The following SYNJ2BP variants were observed in gnomAD, a reference collection of about 807,000 sequenced individuals.
SYNJ2BP encodes synaptojanin 2 binding protein.
Under a neutral mutation model 16.9 loss-of-function variants are expected in SYNJ2BP, and 10 were observed. The ratio of observed to expected loss-of-function variants is 0.59; its 90% CI spans 0.36 to 1.00. The LOEUF is 1.00. SYNJ2BP is among the 50% of genes least tolerant of loss of function. The probability of loss-of-function intolerance (pLI) is 0.01; values close to 1 mark genes in which losing one functional copy is unlikely to be tolerated. For missense variants in SYNJ2BP, 162 were observed against 186.7 expected (o/e 0.87, Z 0.77); for synonymous variants, 54 against 68.4 (o/e 0.79, Z 1.04).
chr14:70,407,352 C>T (rs1888368194), intron 1 of SYNJ2BP, among the ~76,000 whole-genome samples: 1 of 151,790 alleles, frequency 6.6e-6, no homozygotes, highest in South Asian at 2.1e-4. Flanking sequence ...GGCGTGATCT[C>T]CTGGGAGGCG....
intron 2 of SYNJ2BP, among the ~76,000 whole-genome samples, chr14:70,376,721 T>G (rs1375748844): frequency 6.6e-6 from 1 of 152,268 alleles, no homozygotes; most frequent in Non-Finnish European, 1.5e-5. Context: ...ATAAAGAAAC[T>G]TGAAGCTCAG....
At chr14:70,379,479 A>T (rs945479654) in intron 2 of SYNJ2BP, among the ~76,000 whole-genome samples, 1 of 152,218 alleles carries the variant, frequency 6.6e-6, no homozygotes, top group Admixed American at 6.5e-5. Flanking sequence ...CTCAAACTGT[A>T]TCTACCACCT....
At chr14:70,396,307 C>T (rs1594953187) in intron 1 of SYNJ2BP, among the ~76,000 whole-genome samples, 1 of 152,020 alleles carries the variant, frequency 6.6e-6, no homozygotes, top group East Asian at 1.9e-4. Context: ...TTAGTAGAGA[C>T]AGGGTTTCAC....
intron 1 of SYNJ2BP, among the ~76,000 whole-genome samples, chr14:70,413,098 A>G (rs1325832873): frequency 6.6e-6 from 1 of 152,236 alleles, no homozygotes; most frequent in Non-Finnish European, 1.5e-5. Context: ...TGCCTTTGTA[A>G]TTCTTCAGCT....
At chr14:70,416,318 T>C (rs1003080254) in intron 1 of SYNJ2BP, among the ~76,000 whole-genome samples, 1 of 16,184 alleles carries the variant, frequency 6.2e-5, no homozygotes, top group Non-Finnish European at 1.0e-4. Flanking sequence ...TTTTATTTTC[T>C]TTTTTTTTTT....
chr14:70,400,908 G>C (rs1350218967), intron 1 of SYNJ2BP, among the ~76,000 whole-genome samples: 12 of 152,112 alleles, frequency 7.9e-5, no homozygotes, highest in African/African-American at 1.2e-4. Flanking sequence ...TTACCAAACT[G>C]TAAAGCAGGC....
At chr14:70,381,556 AC>A (rs1359661454) in intron 2 of SYNJ2BP, among the ~76,000 whole-genome samples, 1 of 152,122 alleles carries the variant, frequency 6.6e-6, no homozygotes, top group African/African-American at 2.4e-5. Context: ...TCAGTGACTA[AC>A]CACCAAGTTC....
intron 2 of SYNJ2BP, among the ~76,000 whole-genome samples, chr14:70,377,495 G>A (rs10130596): frequency 0.87 from 132,531 of 152,182 alleles, 57,770 homozygotes; most frequent in East Asian, 0.93. Context: ...TTCCACCACC[G>A]TCTCCAACCC....
chr14:70,382,643 C>A (rs1887777414), intron 2 of SYNJ2BP, among the ~76,000 whole-genome samples: 1 of 152,198 alleles, frequency 6.6e-6, no homozygotes, highest in African/African-American at 2.4e-5. Context: ...AATTAACTTG[C>A]TACTTCAGCT....
At chr14:70,395,021 A>T (rs1888060513) in intron 1 of SYNJ2BP, among the ~76,000 whole-genome samples, 1 of 152,192 alleles carries the variant, frequency 6.6e-6, no homozygotes, top group Non-Finnish European at 1.5e-5. Context: ...CTGCTTTAAG[A>T]AAAAAAGTCT....
At position 70,371,568 on chromosome 14, in the gene SYNJ2BP, G is replaced by GCCA. The variant is rs901505588; in HGVS notation, c.*1420_*1422dup. On this transcript the variant is annotated 3_prime_UTR_variant, in exon 4 of 4. Transcript: ENST00000256366. ...TGAGTAGCTGGAATTACAGGAACGCGCCACCATGTCCAGGTAATTTTTGTA... is the reference window on the plus strand; with the variant it reads ...TGAGTAGCTGGAATTACAGGAACGCGCCACCACCATGTCCAGGTAATTTTTGTA... The GCCA allele has an allele frequency of 2.8e-4, 42 of 152,310 alleles. No individual in the cohort carries two copies. The highest frequency in any genetic ancestry group is 9.9e-4 in the African/African-American group (41 of 41,540). The allele number at this position is 152,310 out of a possible 1,614,324, so 9.4% of individuals were successfully genotyped here.
rs138860992 is a variant in SYNJ2BP at position 70,373,004 on chromosome 14, C to T, written c.425G>A (p.Arg142Gln). ...AGAGCAAGTTTTTCAAAGTTGTTGCCGGTATCTCATGAAAGCCCAGGCTGC... is the reference window on the plus strand; with the variant it reads ...AGAGCAAGTTTTTCAAAGTTGTTGCTGGTATCTCATGAAAGCCCAGGCTGC... ...MVAAWAFMRYRQQL is the reference protein window; with the variant it reads ...MVAAWAFMRYQQQL Residue 142 changes from arginine to glutamine, a missense_variant, in exon 4 of 4, where the codon CGG (arginine) becomes CAG (glutamine). Coordinates refer to ENST00000256366, the MANE Select transcript of SYNJ2BP (RefSeq NM_018373.3). 482 of 1,613,986 alleles carry T rather than the reference C, an allele frequency of 3.0e-4. 3 individuals carry two copies. The African/African-American group carries it at 5.5e-3, about 18-fold the overall frequency.
chr14:70,383,601 AT>A (rs1887796953), intron 2 of SYNJ2BP, among the ~76,000 whole-genome samples: 1 of 152,226 alleles, frequency 6.6e-6, no homozygotes, highest in Admixed American at 6.5e-5. Flanking sequence ...CCTTAGCTTA[AT>A]AAAAATGTCA....
In SYNJ2BP at chr14:70,388,534, C is replaced by T. The variant is rs372427788; in HGVS notation, c.137G>A (p.Arg46His). The T allele has an allele frequency of 8.1e-6, 13 of 1,599,188 alleles. No individual in the cohort carries two copies. Among genetic ancestry groups the T allele is most frequent in the Middle Eastern group, 1.7e-4 (1 of 6,016 alleles). ...GGCCGCAGCCCCATTTTCTTTGATG[C>T]GGCTGACGTAGATGCCACTGTCGTT... The part of the protein sequence containing the change: ...VSNDSGIYVS[R>H]IKENGAAALD... Residue 46 changes from arginine (R) to histidine (H), a missense_variant, in exon 2 of 4, where the codon CGC becomes CAC. By Grantham distance (29) the Arg-to-His change is conservative. Transcript: ENST00000256366.
chr14:70,372,980 G>C lies in SYNJ2BP; in HGVS notation c.*11C>G, dbSNP rs1887548674. On this transcript the variant is annotated 3_prime_UTR_variant, in exon 4 of 4. Transcript: ENST00000256366. ...TATCTTCATTGGGAGTATTGAAAGA[G>C]AGCAAGTTTTTCAAAGTTGTTGCCG... is the stretch of plus-strand genomic sequence containing the variant. 1.9e-6 allele frequency: 3 copies of C among 1,613,892 alleles called. No homozygotes were observed. The highest frequency in any genetic ancestry group is 2.2e-5 in the East Asian group (1 of 44,884).
At chr14:70,407,345 G>A (rs1566624729) in intron 1 of SYNJ2BP, among the ~76,000 whole-genome samples, 2 of 151,710 alleles carry the variant, frequency 1.3e-5, no homozygotes, top group Admixed American at 6.6e-5. Flanking sequence ...GGAGAATGGC[G>A]TGATCTCCTG....
intron 2 of SYNJ2BP, among the ~76,000 whole-genome samples, chr14:70,376,908 G>A (rs139658408): frequency 1.1e-3 from 167 of 152,104 alleles, no homozygotes; most frequent in South Asian, 3.9e-3. Context: ...TTTCCTTGTC[G>A]CAATCTTCCT....
At chr14:70,376,293 G>A (rs759276803) in intron 2 of SYNJ2BP, among the ~76,000 whole-genome samples, 12 of 152,050 alleles carry the variant, frequency 7.9e-5, no homozygotes, top group Non-Finnish European at 8.8e-5. Flanking sequence ...GTGATTCCAC[G>A]GATACTCCTA....
At position 70,370,740 on chromosome 14, in the gene SYNJ2BP, T is replaced by G. The variant is rs1887501897; in HGVS notation, c.*2251A>C. ...TTCAATACTTAGCCTGCTGATATAC[T>G]TTTAACTTCTCACCTGTTTATGAAT... On this transcript the variant is annotated 3_prime_UTR_variant, in exon 4 of 4. Coordinates refer to ENST00000256366, the MANE Select transcript of SYNJ2BP (RefSeq NM_018373.3). The G allele has an allele frequency of 3.9e-5, 6 of 152,226 alleles. No homozygotes were observed. Among genetic ancestry groups the G allele is most frequent in the Admixed American group, 3.9e-4 (6 of 15,274 alleles). The allele number at this position is 152,226 out of a possible 1,614,324, so 9.4% of individuals were successfully genotyped here. A position where few individuals can be genotyped will look rare whatever the true frequency, so the allele number is the denominator to read the frequency against.
Sources: allele counts gnomAD v4.1 joint callset (sites outside exome capture counted in the v4.1 genomes callset), GRCh38; gene constraint gnomAD v4.1.1; transcripts MANE v1.5; gene names NCBI Gene and HGNC (gene_info 2026-07-23, HGNC 2026-07-21).